CNTNAP3: variants seen among roughly 807,000 people sequenced by gnomAD.
CNTNAP3 encodes contactin associated protein family member 3, also known as contactin-associated protein-like 3.
CNTNAP3 carries 36 observed loss-of-function variants against 92.1 expected under a neutral mutation model. The observed-to-expected ratio is 0.39, with a 90% CI of 0.30 to 0.52. The LOEUF (loss-of-function observed/expected upper bound fraction) is 0.52. Ranked by LOEUF, CNTNAP3 falls within the 20% of genes least tolerant of loss-of-function variation. The pLI is 0.76. For missense variants in CNTNAP3, 534 were observed against 1,069.6 expected (o/e 0.50, Z 6.98); for synonymous variants, 232 against 422.3 (o/e 0.55, Z 5.53).
chr9:39,085,697 A>T lies in CNTNAP3; in HGVS notation c.3442+39T>A, dbSNP rs749668640. Reference sequence around the variant, plus strand: ...GATGAATGCTTCCAGAGTTTGTGACATGACACTTATTTGGGAAAAAGCTCT... The same window carrying T: ...GATGAATGCTTCCAGAGTTTGTGACTTGACACTTATTTGGGAAAAAGCTCT... On this transcript the variant is annotated intron_variant, in intron 21 of 23. Transcript: ENST00000297668. 3 of 1,414,070 alleles carry T rather than the reference A, an allele frequency of 2.1e-6. 1 individual carries two copies. Among genetic ancestry groups the T allele is most frequent in the Non-Finnish European group, 2.9e-6 (3 of 1,027,204 alleles). 87.6% of individuals were successfully genotyped at this position (1,414,070 alleles called of 1,614,324 possible).
rs1245053550 is a variant in CNTNAP3, at chr9:39,071,042, C to A, written c.*2848G>T. On this transcript the variant is annotated 3_prime_UTR_variant, in exon 24 of 24. Transcript: ENST00000297668. ...CACGCATGACAACTTACTAGTACTG[C>A]CTACTTGAAGAGATTAGCTCTTACA... Among the ~76,000 whole-genome samples the A allele has an allele frequency of 2.6e-5, 4 of 152,212 alleles. No homozygotes were observed. The highest frequency in any genetic ancestry group is 9.6e-5 in the African/African-American group (4 of 41,462).
At chr9:39,147,108 G>A (rs140297049) in intron 10 of CNTNAP3, among the ~76,000 whole-genome samples, 1,883 of 152,276 alleles carry the variant, frequency 0.012, 35 homozygotes, top group African/African-American at 0.042. Context: ...ATGCTGCCAT[G>A]TAAGACGTGT....
chr9:39,118,342 G>A (rs1391464991), intron 13 of CNTNAP3, 83 bp from the exon 14 acceptor site: 9 of 1,580,528 alleles, frequency 5.7e-6, no homozygotes, highest in African/African-American at 1.4e-5. Context: ...ACTCCCAGGT[G>A]TAAAGTGTAT....
At chr9:39,130,944 C>T (rs1412247795) in intron 13 of CNTNAP3, among the ~76,000 whole-genome samples, 2 of 151,962 alleles carry the variant, frequency 1.3e-5, no homozygotes, top group Non-Finnish European at 2.9e-5. Context: ...CTCGGGTTCT[C>T]TCTGTTACTT....
intron 14 of CNTNAP3, among the ~76,000 whole-genome samples, chr9:39,113,005 G>A (rs1405432078): frequency 1.3e-5 from 2 of 152,116 alleles, no homozygotes; most frequent in African/African-American, 2.4e-5. Context: ...TGATGAGAAT[G>A]TCAACTTTAA....
intron 23 of CNTNAP3, among the ~76,000 whole-genome samples, chr9:39,076,141 A>G (rs1304228705): frequency 1.3e-5 from 2 of 152,304 alleles, no homozygotes; most frequent in Non-Finnish European, 2.9e-5. Flanking sequence ...TACTCCGTCA[A>G]TCTTGCCAGT....
At position 39,131,853 on chromosome 9, in the gene CNTNAP3, G is replaced by A. The variant is rs1370117353; in HGVS notation, c.2080+1079C>T. Among the ~76,000 whole-genome samples, 17 of 150,256 alleles carry A rather than the reference G, an allele frequency of 1.1e-4. No homozygotes were observed. In the East Asian group the frequency reaches 2.8e-3, roughly 24 times the overall value. On this transcript the variant is annotated intron_variant, in intron 13 of 23. Coordinates refer to ENST00000297668, the MANE Select transcript of CNTNAP3 (RefSeq NM_033655.5). The stretch of plus-strand genomic sequence containing the variant: ...AGAGGAAATGGTCTGGCATATTCCA[G>A]GGGCTGATTGGCCAGACAGATTAGG...
chr9:39,074,248 C>T (rs1198665297), intron 23 of CNTNAP3, among the ~76,000 whole-genome samples: 5 of 151,666 alleles, frequency 3.3e-5, no homozygotes, highest in Admixed American at 6.6e-5. Flanking sequence ...AGGCTGGTCT[C>T]GAACTCCTGG....
At chr9:39,147,663 T>C (rs1402070331) in intron 10 of CNTNAP3, among the ~76,000 whole-genome samples, 1 of 152,244 alleles carries the variant, frequency 6.6e-6, no homozygotes, top group Non-Finnish European at 1.5e-5. Flanking sequence ...TAGTTGAGCA[T>C]GTTTACAAGT....
At chr9:39,083,992 T>C (rs1019770380) in intron 21 of CNTNAP3, among the ~76,000 whole-genome samples, 7 of 151,268 alleles carry the variant, frequency 4.6e-5, no homozygotes. Context: ...TTATGATGGA[T>C]TTTGGACCAT....
At chr9:39,155,271 GAA>G (rs1821930854) in intron 9 of CNTNAP3, 1 of 141,970 alleles carries the variant, frequency 7.0e-6, no homozygotes, top group African/African-American at 2.6e-5. Flanking sequence ...ATTTTGCCAT[GAA>G]AAATATGGCA....
At chr9:39,086,302 C>T (rs1298682596) in intron 20 of CNTNAP3, 4 of 232,864 alleles carry the variant, frequency 1.7e-5, no homozygotes, top group African/African-American at 9.2e-5. Context: ...ATGTTGTGTG[C>T]TTTTAAACCG....
rs1430936030 is a variant in CNTNAP3 at position 39,287,089 on chromosome 9, G to A, written c.85+891C>T. Among the ~76,000 whole-genome samples, 2 of 56,470 alleles carry A rather than the reference G, an allele frequency of 3.5e-5. 1 individual carries two copies. Among genetic ancestry groups the A allele is most frequent in the Non-Finnish European group, 1.0e-4 (2 of 19,110 alleles). The allele number at this position is 56,470 out of a possible 152,430, so 37.0% of individuals were successfully genotyped here. ...ATGGTTTGATTAATCAAGAAAGAAA[G>A]ACAACTCTCTGCTAGAGATTTACTC... is the stretch of plus-strand genomic sequence containing the variant. On this transcript the variant is annotated intron_variant, in intron 1 of 23. Transcript: ENST00000297668.
At chr9:39,142,221 C>T (rs1821593165) in intron 11 of CNTNAP3, among the ~76,000 whole-genome samples, 1 of 152,036 alleles carries the variant, frequency 6.6e-6, no homozygotes, top group Admixed American at 6.5e-5. Context: ...TATAAATTTG[C>T]CAGGTAACAC....
intron 13 of CNTNAP3, among the ~76,000 whole-genome samples, chr9:39,130,990 T>A (rs1389185237): frequency 3.6e-4 from 55 of 151,754 alleles, no homozygotes; most frequent in Non-Finnish European, 5.9e-4. Flanking sequence ...TTATCTCAAA[T>A]TTTTTTTTAA....
intron 18 of CNTNAP3, 184 bp downstream of exon 18, chr9:39,099,727 G>A: frequency 1.3e-6 from 1 of 785,694 alleles, no homozygotes; most frequent in East Asian, 2.7e-5. Flanking sequence ...AGGACTGATA[G>A]CCTTAAGTTT....
chr9:39,104,477 TACACACACACACACACACAC>T (rs60068368), intron 15 of CNTNAP3, among the ~76,000 whole-genome samples: 8 of 123,108 alleles, frequency 6.5e-5, no homozygotes, highest in East Asian at 5.0e-4. Context: ...CACATACACA[TACACACACACACACACACAC>T]ACACACACAC....
intron 9 of CNTNAP3, among the ~76,000 whole-genome samples, chr9:39,152,580 A>G (rs1041176227): frequency 1.5e-4 from 22 of 143,462 alleles, no homozygotes; most frequent in Admixed American, 2.7e-4. Context: ...AATATTTTCC[A>G]GTAATGAATT....
rs62568847 is a variant in CNTNAP3, at chr9:39,073,655, T to C, written c.*235A>G. The C allele has an allele frequency of 0.056, 43,249 of 775,326 alleles. 5 individuals carry two copies. The highest frequency in any genetic ancestry group is 0.12 in the Admixed American group (4,556 of 37,978). The allele number at this position is 775,326 out of a possible 1,614,324, so 48.0% of individuals were successfully genotyped here. On this transcript the variant is annotated 3_prime_UTR_variant, in exon 24 of 24. Coordinates refer to ENST00000297668, the MANE Select transcript of CNTNAP3 (RefSeq NM_033655.5). ...CCATACCTAATTCATTGTTTGGAAA[T>C]TGATGTGGAGGACTGTGTTTCACCG...
Sources: allele counts gnomAD v4.1 joint callset (sites outside exome capture counted in the v4.1 genomes callset), GRCh38; gene constraint gnomAD v4.1.1; transcripts MANE v1.5; gene names NCBI Gene and HGNC (gene_info 2026-07-23, HGNC 2026-07-21).